DPF2: variants seen among roughly 807,000 people sequenced by gnomAD.
The protein encoded by DPF2 is zinc finger protein ubi-d4.
DPF2 carries 10 observed loss-of-function variants against 59.6 expected under a neutral mutation model. The ratio of observed to expected loss-of-function variants is 0.17; its 90% CI spans 0.10 to 0.28. The LOEUF (loss-of-function observed/expected upper bound fraction) is 0.28. Among genes scored for constraint, DPF2 ranks in the 10% least tolerant of loss-of-function variants. The pLI, the probability that DPF2 is intolerant of heterozygous loss-of-function variation, is 1.00. For synonymous variants in DPF2, 189 were observed against 190.6 expected (o/e 0.99, Z 0.07); for missense variants, 315 against 509.4 (o/e 0.62, Z 3.67).
rs902677223 is a variant in DPF2, at chr11:65,351,970, C to A, written c.*211C>A. 5.0e-6 allele frequency: 3 copies of A among 598,134 alleles called. No individual in the cohort carries two copies. In the African/African-American group the frequency reaches 5.6e-5, roughly 11 times the overall value. 37.1% of individuals were successfully genotyped at this position (598,134 alleles called of 1,614,324 possible). A position where few individuals can be genotyped will look rare whatever the true frequency, so the allele number is the denominator to read the frequency against. On this transcript the variant is annotated 3_prime_UTR_variant, in exon 11 of 11. Transcript: ENST00000528416. The stretch of plus-strand genomic sequence containing the variant: ...CCCTCAGGGAGAAAGGAGCAACACA[C>A]TGCCCCTAGGCGTGCGTGTGGCCCA...
intron 1 of DPF2, among the ~76,000 whole-genome samples, chr11:65,337,548 A>G (rs1313364210): frequency 2.0e-5 from 2 of 97,848 alleles, no homozygotes; most frequent in South Asian, 3.5e-4. Context: ...GAGAGAGAGA[A>G]CAATGTTAAT....
At chr11:65,337,448 A>G (rs1263351998) in intron 1 of DPF2, among the ~76,000 whole-genome samples, 3 of 95,668 alleles carry the variant, frequency 3.1e-5, no homozygotes, top group East Asian at 5.5e-4. Flanking sequence ...GCAAGACTCT[A>G]TCTCAAAAAA....
chr11:65,337,446 C>G (rs1258803378), intron 1 of DPF2, among the ~76,000 whole-genome samples: 2 of 71,002 alleles, frequency 2.8e-5, no homozygotes, highest in South Asian at 5.3e-4. Flanking sequence ...AAGCAAGACT[C>G]TATCTCAAAA....
chr11:65,351,958 A>G lies in DPF2; in HGVS notation c.*199A>G. 1 of 610,356 alleles carries G rather than the reference A, an allele frequency of 1.6e-6. No individual in the cohort carries two copies. The highest frequency in any genetic ancestry group is 2.9e-6 in the Non-Finnish European group (1 of 345,244). 37.8% of individuals were successfully genotyped at this position (610,356 alleles called of 1,614,324 possible). On this transcript the variant is annotated 3_prime_UTR_variant, in exon 11 of 11. Transcript: ENST00000528416. ...TCTGGCCCCAGGCCCTCAGGGAGAA[A>G]GGAGCAACACACTGCCCCTAGGCGT...
intron 8 of DPF2, 54 bp from the exon 9 acceptor site, chr11:65,346,193 C>T (rs1854522538): frequency 1.2e-6 from 2 of 1,602,574 alleles, no homozygotes; most frequent in African/African-American, 1.3e-5. Flanking sequence ...GCAGGAGCTC[C>T]TCTCTTCCCC....
At chr11:65,341,707 T>C in intron 4 of DPF2, 145 bp downstream of exon 4, 3 of 1,119,732 alleles carry the variant, frequency 2.7e-6, no homozygotes, top group Non-Finnish European at 3.8e-6. Context: ...CAGTCCCTGA[T>C]TATTGTCAGG....
chr11:65,354,171 G>GGTTA lies in DPF2; in HGVS notation c.*2414_*2417dup, dbSNP rs1854800057. ...CGTCTGCGTTTAATTCGGGACTGAA[G>GGTTA]GTTAGCAGGGAAGGGAACGATGCCA... On this transcript the variant is annotated 3_prime_UTR_variant, in exon 11 of 11. Coordinates refer to ENST00000528416, the MANE Select transcript of DPF2 (RefSeq NM_006268.5). Among the ~76,000 whole-genome samples the GGTTA allele has an allele frequency of 6.6e-6, 1 of 152,190 alleles. No individual in the cohort carries two copies. The highest frequency in any genetic ancestry group is 2.4e-5 in the African/African-American group (1 of 41,454).
At chr11:65,340,001 G>A (rs551842253) in intron 1 of DPF2, among the ~76,000 whole-genome samples, 1 of 152,326 alleles carries the variant, frequency 6.6e-6, no homozygotes, top group Admixed American at 6.5e-5. Flanking sequence ...GAGGGAATAA[G>A]GAGGAACTTA....
At chr11:65,342,419 C>T (rs909984792) in intron 4 of DPF2, among the ~76,000 whole-genome samples, 5 of 152,160 alleles carry the variant, frequency 3.3e-5, no homozygotes, top group African/African-American at 9.7e-5. Context: ...GCACTCCAGC[C>T]TGGGTAACAG....
chr11:65,342,200 CTTA>C (rs1317794927), intron 4 of DPF2, among the ~76,000 whole-genome samples: 1 of 152,146 alleles, frequency 6.6e-6, no homozygotes, highest in Non-Finnish European at 1.5e-5. Flanking sequence ...CCACATTTGC[CTTA>C]TCTGTCTTTG....
At position 65,343,817 on chromosome 11, in the gene DPF2, C is replaced by A. The variant is rs1440701138; in HGVS notation, c.538C>A (p.Arg180=). The part of the protein sequence containing the change: ...EDYEEDTPKR[R]GKGKSKGKGV... ...CTATGAAGAAGATACTCCCAAGCGT[C>A]GGGGAAAGGGGAAATCCAAGGTGAG... The change falls in exon 5 of 11, where the codon CGG becomes AGG. Residue 180 remains arginine, a synonymous_variant. Coordinates refer to ENST00000528416, the MANE Select transcript of DPF2 (RefSeq NM_006268.5). The A allele has an allele frequency of 6.3e-7, 1 of 1,587,064 alleles. No individual in the cohort carries two copies. Among genetic ancestry groups the A allele is most frequent in the Non-Finnish European group, 8.6e-7 (1 of 1,166,116 alleles).
At chr11:65,337,452 CAAAAAAAAAAAAAAA>C in intron 1 of DPF2, among the ~76,000 whole-genome samples, 1 of 13,536 alleles carries the variant, frequency 7.4e-5, no homozygotes, top group African/African-American at 2.9e-4. Flanking sequence ...GACTCTATCT[CAAAAAAAAAAAAAAA>C]AAAAAAAATA....
intron 6 of DPF2, chr11:65,344,533 A>T: frequency 2.0e-6 from 3 of 1,526,128 alleles, no homozygotes; most frequent in Non-Finnish European, 2.6e-6. Context: ...CTCCTGTCTC[A>T]AGTGTATCAA....
intron 4 of DPF2, among the ~76,000 whole-genome samples, chr11:65,342,886 C>T (rs2137696768): frequency 6.6e-6 from 1 of 151,028 alleles, no homozygotes; most frequent in East Asian, 2.0e-4. Flanking sequence ...TGGTGGTGGG[C>T]ACCTGCAGTC....
At chr11:65,340,228 G>A (rs1000997866) in intron 1 of DPF2, among the ~76,000 whole-genome samples, 157 bp from the exon 2 acceptor site, 3 of 152,128 alleles carry the variant, frequency 2.0e-5, no homozygotes, top group African/African-American at 4.8e-5. Flanking sequence ...AAGGGGCTTC[G>A]TGTCCCATGA....
At chr11:65,345,873 G>T in intron 7 of DPF2, 57 bp from the exon 8 acceptor site, 2 of 1,613,224 alleles carry the variant, frequency 1.2e-6, no homozygotes, top group Non-Finnish European at 1.7e-6. Context: ...TCCTTGCATG[G>T]GTGTTGAGTG....
At chr11:65,338,275 A>G (rs1388052132) in intron 1 of DPF2, among the ~76,000 whole-genome samples, 8 of 152,128 alleles carry the variant, frequency 5.3e-5, no homozygotes, top group African/African-American at 1.7e-4. Flanking sequence ...GCTCACTGTC[A>G]TGCTGTCTTG....
At chr11:65,342,255 G>T (rs1854396146) in intron 4 of DPF2, among the ~76,000 whole-genome samples, 1 of 152,030 alleles carries the variant, frequency 6.6e-6, no homozygotes, top group Admixed American at 6.6e-5. Context: ...TTTCAGTCTA[G>T]GCAACATAGC....
chr11:65,345,759 C>T lies in DPF2; in HGVS notation c.731C>T (p.Ser244Phe). ...AEEEGEDKED[S>F]QPPTPVSQRS... Reference sequence around the variant, plus strand: ...GAGGAGGGCGAGGACAAGGAAGACTCTCAACCACCCACTCCTGTTTCCCAG... The same window carrying T: ...GAGGAGGGCGAGGACAAGGAAGACTTTCAACCACCCACTCCTGTTTCCCAG... Residue 244 changes from serine to phenylalanine, a missense_variant, in exon 7 of 11, where the codon TCT becomes TTT. Ser to Phe is a radical substitution (Grantham distance 155). Around this residue, in one of 4 missense-constraint regions of DPF2, gnomAD observed 58 missense variants for 84.6 expected, o/e 0.69. Transcript: ENST00000528416. 6.2e-7 allele frequency: 1 copy of T among 1,614,168 alleles called. No homozygotes were observed. The highest frequency in any genetic ancestry group is 8.5e-7 in the Non-Finnish European group (1 of 1,180,042).
Sources: gnomAD v4.1 joint callset for allele counts (sites outside exome capture counted in the v4.1 genomes callset) on GRCh38, gnomAD v4.1.1 for gene constraint, gnomAD v4.1.1 regional missense constraint, MANE v1.5 for transcripts, NCBI Gene and HGNC (gene_info 2026-07-23, HGNC 2026-07-21) for gene names.